The following KIF13B variants were observed in gnomAD, a reference collection of about 807,000 sequenced individuals.
KIF13B encodes the protein kinesin family member 13B, also known as kinesin-like protein KIF13B.
Under a neutral mutation model 222.0 loss-of-function variants are expected in KIF13B, and 127 were observed. That is an observed-to-expected ratio of 0.57 (90% CI 0.50 to 0.66). The LOEUF (loss-of-function observed/expected upper bound fraction) is 0.66, where lower values mean the gene tolerates loss of function less well. KIF13B is among the 30% of genes least tolerant of loss of function. The pLI is 0.00. For missense variants in KIF13B, 2,173 were observed against 2,379.0 expected, an observed-to-expected ratio of 0.91 and a Z score of 1.80; for synonymous variants, 976 against 919.0, an observed-to-expected ratio of 1.06 and a Z score of -1.12.
chr8:29,089,344 G>T (rs929863411), intron 37 of KIF13B, among the ~76,000 whole-genome samples: 13 of 152,108 alleles, frequency 8.5e-5, no homozygotes, highest in Non-Finnish European at 1.8e-4. Context: ...GAGACTGAGG[G>T]TGGAGGATTC....
At chr8:29,114,527 GCTA>G (rs1481930134) in intron 31 of KIF13B, among the ~76,000 whole-genome samples, 6 of 152,148 alleles carry the variant, frequency 3.9e-5, no homozygotes, top group Non-Finnish European at 8.8e-5. Flanking sequence ...AGATGTAGAT[GCTA>G]CTATTATCCT....
intron 10 of KIF13B, among the ~76,000 whole-genome samples, chr8:29,169,048 C>T (rs1812128150): frequency 6.6e-6 from 1 of 152,190 alleles, no homozygotes; most frequent in East Asian, 1.9e-4. Context: ...TAATGGGAAA[C>T]TCACTAGAGC....
At chr8:29,167,707 C>T in intron 10 of KIF13B, 122 bp from the exon 11 acceptor site, 1 of 763,752 alleles carries the variant, frequency 1.3e-6, no homozygotes, top group Non-Finnish European at 2.2e-6. Context: ...ATGACAGAGC[C>T]AGGGCTAAAA....
chr8:29,222,084 C>T (rs1814778702), intron 2 of KIF13B, among the ~76,000 whole-genome samples: 1 of 152,064 alleles, frequency 6.6e-6, no homozygotes, highest in African/African-American at 2.4e-5. Context: ...CAGTGGCTCC[C>T]GACTACAATC....
intron 2 of KIF13B, among the ~76,000 whole-genome samples, chr8:29,215,847 A>T (rs995671805): frequency 1.3e-5 from 2 of 152,378 alleles, no homozygotes; most frequent in East Asian, 3.9e-4. Context: ...GGTGGAAAAA[A>T]GTAAATGAGG....
At chr8:29,125,031 T>C (rs865895324) in intron 26 of KIF13B, among the ~76,000 whole-genome samples, 1 of 152,166 alleles carries the variant, frequency 6.6e-6, no homozygotes, top group East Asian at 1.9e-4. Context: ...GTCTGGGTGG[T>C]AGAGCAAGAC....
intron 35 of KIF13B, among the ~76,000 whole-genome samples, chr8:29,107,867 T>G (rs1297147411): frequency 1.3e-5 from 2 of 152,200 alleles, no homozygotes; most frequent in Non-Finnish European, 2.9e-5. Flanking sequence ...GCCTGAAGTT[T>G]CTTTTCTGAC....
intron 35 of KIF13B, among the ~76,000 whole-genome samples, chr8:29,106,840 A>G (rs1809095846): frequency 6.6e-6 from 1 of 151,626 alleles, no homozygotes; most frequent in Non-Finnish European, 1.5e-5. Context: ...TGCCTCGTAG[A>G]TTTGAAAACG....
Position 29,190,992 on chromosome 8 carries a change from ATT to A in KIF13B, c.223+3_223+4del, listed in dbSNP as rs759439858. ...AGTAGTTGACAGGATGCTGGATTCT[ATT>A]ACCTGCATACTTTTCTTTGACAGAT... On this transcript the variant is annotated splice_donor_region_variant and intron_variant, in intron 4 of 39. Transcript: ENST00000524189. The A allele has an allele frequency of 6.2e-7, 1 of 1,608,054 alleles. No homozygotes were observed. The highest frequency in any genetic ancestry group is 1.1e-5 in the South Asian group (1 of 90,936).
In KIF13B at chr8:29,140,148, T is replaced by A; in HGVS notation, c.2528A>T (p.Asp843Val). The A allele has an allele frequency of 6.2e-7, 1 of 1,613,726 alleles. No individual in the cohort carries two copies. The highest frequency in any genetic ancestry group is 8.5e-7 in the Non-Finnish European group (1 of 1,179,858). ...GCCTCCTGCGATCCTCTCCCCAACA[T>A]CACCACTGAGTCGCATCACCTCCAC... The part of the protein sequence containing the change: ...LHVEVMRLSG[D>V]VGERIAGGDE... Residue 843 changes from aspartate (D) to valine (V), a missense_variant, in exon 21 of 40, where the codon GAT becomes GTT. Asp to Val is a radical substitution (Grantham distance 152). Around this residue, in one of 2 missense-constraint regions of KIF13B, gnomAD observed 1,480 missense variants for 1,722.8 expected, o/e 0.86. Transcript: ENST00000524189.
chr8:29,195,318 T>C (rs1266798489), intron 3 of KIF13B, among the ~76,000 whole-genome samples: 1 of 152,104 alleles, frequency 6.6e-6, no homozygotes, highest in Non-Finnish European at 1.5e-5. Context: ...AGAGAAAGTT[T>C]ACATATATAA....
At chr8:29,112,745 C>T (rs1205405968) in intron 32 of KIF13B, among the ~76,000 whole-genome samples, 2 of 152,156 alleles carry the variant, frequency 1.3e-5, no homozygotes, top group Non-Finnish European at 2.9e-5. Context: ...AAGGGATGCC[C>T]CATTTCCCAG....
At chr8:29,258,528 C>T (rs1816568597) in intron 1 of KIF13B, among the ~76,000 whole-genome samples, 1 of 152,162 alleles carries the variant, frequency 6.6e-6, no homozygotes, top group South Asian at 2.1e-4. Flanking sequence ...TCCTGCAATC[C>T]ACCTGACCTT....
At position 29,240,240 on chromosome 8, in the gene KIF13B, A is replaced by ACACATAAT. The variant is rs557010415; in HGVS notation, c.149+5098_149+5105dup. ...TTTCACTAGAAAAAGGCATTCATGT[A>ACACATAAT]CACATAATACTGGGCAAACAACTTA... is the stretch of plus-strand genomic sequence containing the variant. On this transcript the variant is annotated intron_variant, in intron 2 of 39. Transcript: ENST00000524189. Among the ~76,000 whole-genome samples the ACACATAAT allele has an allele frequency of 7.3e-3, 1,114 of 152,060 alleles. 16 individuals carry two copies. Among genetic ancestry groups the ACACATAAT allele is most frequent in the African/African-American group, 0.026 (1,060 of 41,442 alleles).
chr8:29,199,709 C>T (rs1813607376), intron 2 of KIF13B, among the ~76,000 whole-genome samples: 1 of 152,056 alleles, frequency 6.6e-6, no homozygotes, highest in South Asian at 2.1e-4. Flanking sequence ...TCCCAAGGTC[C>T]ACGTTCTTGC....
intron 1 of KIF13B, among the ~76,000 whole-genome samples, chr8:29,247,379 T>C (rs1440199561): frequency 1.3e-5 from 2 of 151,998 alleles, no homozygotes; most frequent in Non-Finnish European, 2.9e-5. Flanking sequence ...AAGAGATCTG[T>C]CTCTAAAAAC....
At chr8:29,127,887 TTTA>T (rs1330901150) in intron 24 of KIF13B, among the ~76,000 whole-genome samples, 10 of 152,158 alleles carry the variant, frequency 6.6e-5, no homozygotes, top group East Asian at 1.9e-4. Context: ...ATTCAATAAC[TTTA>T]TTATTTGTTT....
At chr8:29,162,610 G>A (rs1367355195) in intron 12 of KIF13B, among the ~76,000 whole-genome samples, 1 of 152,116 alleles carries the variant, frequency 6.6e-6, no homozygotes, top group Non-Finnish European at 1.5e-5. Flanking sequence ...ACTTCCCTGT[G>A]CATATTTCTG....
intron 1 of KIF13B, among the ~76,000 whole-genome samples, chr8:29,258,619 T>C (rs565261120): frequency 1.3e-5 from 2 of 152,278 alleles, no homozygotes; most frequent in African/African-American, 4.8e-5. Flanking sequence ...CTAAACCTGC[T>C]TTACTCATTC....
Sources: gnomAD v4.1 joint callset for allele counts (sites outside exome capture counted in the v4.1 genomes callset) on GRCh38, gnomAD v4.1.1 for gene constraint, gnomAD v4.1.1 regional missense constraint, MANE v1.5 for transcripts, NCBI Gene and HGNC (gene_info 2026-07-23, HGNC 2026-07-21) for gene names.